FYB1: variants seen among roughly 807,000 people sequenced by gnomAD.
FYB1 encodes the protein FYN-binding protein 1.
Under a neutral mutation model 94.1 loss-of-function variants are expected in FYB1, and 41 were observed. The observed-to-expected ratio is 0.44, with a 90% CI of 0.34 to 0.57. The LOEUF is 0.57. Among genes scored for constraint, FYB1 ranks in the 20% least tolerant of loss-of-function variants. The pLI is 0.02. For synonymous variants in FYB1, 367 were observed against 353.2 expected (o/e 1.04, Z -0.44); for missense variants, 1,050 against 976.8 (o/e 1.07, Z -1.00).
chr5:39,172,055 T>C (rs1265798446), intron 2 of FYB1, among the ~76,000 whole-genome samples: 1 of 152,158 alleles, frequency 6.6e-6, no homozygotes, highest in Non-Finnish European at 1.5e-5. Context: ...CAGTCTTTAA[T>C]GCATTCTTTA....
At chr5:39,229,168 A>G (rs770363227) in intron 1 of FYB1, among the ~76,000 whole-genome samples, 33 of 152,136 alleles carry the variant, frequency 2.2e-4, no homozygotes, top group Non-Finnish European at 4.1e-4. Flanking sequence ...GGAATAGTGG[A>G]TGAATCTTTT....
intron 2 of FYB1, among the ~76,000 whole-genome samples, chr5:39,157,529 T>G (rs1239754112): frequency 6.6e-6 from 1 of 152,004 alleles, no homozygotes; most frequent in East Asian, 1.9e-4. Context: ...AATAGCTGGT[T>G]GGAAAAAAAA....
intron 3 of FYB1, among the ~76,000 whole-genome samples, chr5:39,152,815 G>T (rs1561182206): frequency 6.6e-6 from 1 of 152,154 alleles, no homozygotes; most frequent in Non-Finnish European, 1.5e-5. Flanking sequence ...AAATTCTGAT[G>T]GATGAGAGAA....
chr5:39,141,066 A>G, intron 4 of FYB1, 29 bp downstream of exon 4: 1 of 1,492,946 alleles, frequency 6.7e-7, no homozygotes, highest in Non-Finnish European at 9.2e-7. Flanking sequence ...TTTACAAATA[A>G]ATAAATAAAA....
At chr5:39,246,523 A>G (rs977005796) in intron 1 of FYB1, among the ~76,000 whole-genome samples, 6 of 152,144 alleles carry the variant, frequency 3.9e-5, no homozygotes, top group African/African-American at 1.4e-4. Flanking sequence ...TCCCAGGCAA[A>G]GTGAAAATAT....
chr5:39,122,814 A>G (rs1232926056), intron 13 of FYB1, among the ~76,000 whole-genome samples: 1 of 152,070 alleles, frequency 6.6e-6, no homozygotes, highest in Non-Finnish European at 1.5e-5. Context: ...GTGATAATAT[A>G]TATCATCCTA....
intron 1 of FYB1, among the ~76,000 whole-genome samples, chr5:39,258,373 G>A (rs777200869): frequency 2.6e-5 from 4 of 152,186 alleles, no homozygotes; most frequent in Non-Finnish European, 5.9e-5. Flanking sequence ...GCTGAGGTAG[G>A]CAGATCACCT....
chr5:39,273,039 C>T (rs1355169391), intron 1 of FYB1, among the ~76,000 whole-genome samples: 1 of 152,214 alleles, frequency 6.6e-6, no homozygotes, highest in Admixed American at 6.5e-5. Flanking sequence ...CGCCTCCGCC[C>T]GGCCAGCCAC....
rs59703757 is a variant in FYB1, at chr5:39,252,140, G to A, written c.-28+22263C>T. 9.7e-3 allele frequency among the ~76,000 whole-genome samples: 1,469 copies of A among 151,744 alleles called. 16 individuals are homozygous for A. The highest frequency in any genetic ancestry group is 0.033 in the African/African-American group (1,347 of 41,406). On this transcript the variant is annotated intron_variant, in intron 1 of 1. Coordinates refer to the FYB1 transcript ENST00000510188. Reference sequence around the variant, plus strand: ...AGCCTGAGCGACAGAGCGAGACTCCGTCTCAAAAAAGTAAATAAATAAATA... The same window carrying A: ...AGCCTGAGCGACAGAGCGAGACTCCATCTCAAAAAAGTAAATAAATAAATA...
intron 3 of FYB1, among the ~76,000 whole-genome samples, chr5:39,146,640 T>C (rs1580382508): frequency 6.6e-6 from 1 of 152,298 alleles, no homozygotes; most frequent in South Asian, 2.1e-4. Flanking sequence ...AACACCTGTA[T>C]GAATAACAAA....
At chr5:39,159,626 C>T (rs185839902) in intron 2 of FYB1, among the ~76,000 whole-genome samples, 1 of 152,330 alleles carries the variant, frequency 6.6e-6, no homozygotes, top group East Asian at 1.9e-4. Context: ...AATGCCCCAT[C>T]TGACTATCTC....
chr5:39,200,289 G>C (rs911178516), intron 2 of FYB1, among the ~76,000 whole-genome samples: 8 of 152,164 alleles, frequency 5.3e-5, no homozygotes, highest in Non-Finnish European at 1.0e-4. Flanking sequence ...GTTAGCATTT[G>C]TGGCAACTCA....
At chr5:39,165,122 T>C (rs985640286) in intron 2 of FYB1, among the ~76,000 whole-genome samples, 2 of 152,210 alleles carry the variant, frequency 1.3e-5, no homozygotes, top group African/African-American at 4.8e-5. Context: ...ATTGTTGCCA[T>C]TGCTTACAAA....
intron 1 of FYB1, among the ~76,000 whole-genome samples, chr5:39,225,249 G>C (rs762318639): frequency 4.4e-4 from 67 of 152,132 alleles, no homozygotes; most frequent in Admixed American, 9.8e-4. Flanking sequence ...TGTGTGTATG[G>C]TGTGTATGTG....
At chr5:39,260,365 A>G (rs1752160010) in intron 1 of FYB1, among the ~76,000 whole-genome samples, 1 of 152,204 alleles carries the variant, frequency 6.6e-6, no homozygotes, top group African/African-American at 2.4e-5. Context: ...ACAACAGTAG[A>G]GTTCAATAGC....
intron 1 of FYB1, among the ~76,000 whole-genome samples, chr5:39,245,602 C>A (rs1200579898): frequency 7.1e-6 from 1 of 140,934 alleles, no homozygotes; most frequent in Non-Finnish European, 1.6e-5. Flanking sequence ...GAGGAAGAGG[C>A]TTTTTTTTTT....
At chr5:39,201,682 A>G (rs921235917) in intron 2 of FYB1, 144 bp downstream of exon 2, 22 of 766,234 alleles carry the variant, frequency 2.9e-5, no homozygotes, top group Non-Finnish European at 4.4e-5. Context: ...ATGAAAGAAA[A>G]AAACAAGACA....
intron 2 of FYB1, among the ~76,000 whole-genome samples, chr5:39,188,963 G>GCCCC (rs1170780497): frequency 6.2e-4 from 94 of 152,264 alleles, no homozygotes; most frequent in Admixed American, 2.6e-3. Flanking sequence ...ACATTCTTAT[G>GCCCC]CAACTAGAAG....
intron 1 of FYB1, among the ~76,000 whole-genome samples, chr5:39,253,967 C>T (rs1380014531): frequency 3.9e-5 from 6 of 152,096 alleles, no homozygotes; most frequent in Non-Finnish European, 1.5e-5. Context: ...TGTTAATTTG[C>T]TAAGGATAAT....
Sources: gnomAD v4.1 joint callset for allele counts (sites outside exome capture counted in the v4.1 genomes callset) on GRCh38, gnomAD v4.1.1 for gene constraint, MANE v1.5 for transcripts, NCBI Gene and HGNC (gene_info 2026-07-23, HGNC 2026-07-21) for gene names.